SMYD3: variants seen among roughly 807,000 people sequenced by gnomAD.
SMYD3 encodes the protein histone-lysine N-methyltransferase SMYD3.
In SMYD3, 36 loss-of-function variants were observed where a neutral mutation model predicts 57.7. The ratio of observed to expected loss-of-function variants is 0.62; its 90% CI spans 0.48 to 0.82. SMYD3 has a LOEUF of 0.82. Ranked by LOEUF, SMYD3 falls within the 40% of genes least tolerant of loss-of-function variation. SMYD3 has a pLI of 0.00. For synonymous variants in SMYD3, 211 were observed against 195.0 expected, an observed-to-expected ratio of 1.08 and a Z score of -0.68; for missense variants, 515 against 538.8, an observed-to-expected ratio of 0.96 and a Z score of 0.44.
chr1:246,170,209 T>C (rs1356174095), intron 5 of SMYD3, among the ~76,000 whole-genome samples: 1 of 152,050 alleles, frequency 6.6e-6, no homozygotes, highest in African/African-American at 2.4e-5. Flanking sequence ...AAATGAAGAA[T>C]TTAACACAAT....
At chr1:246,208,502 G>A (rs1238193152) in intron 5 of SMYD3, among the ~76,000 whole-genome samples, 1 of 152,060 alleles carries the variant, frequency 6.6e-6, no homozygotes, top group Non-Finnish European at 1.5e-5. Context: ...CAACTTATTT[G>A]AAAGGTTCAG....
intron 5 of SMYD3, among the ~76,000 whole-genome samples, chr1:246,086,760 G>A (rs188371097): frequency 1.4e-3 from 210 of 151,368 alleles, no homozygotes; most frequent in Non-Finnish European, 2.3e-3. Context: ...ATACATGTGC[G>A]GGACCTGCAG....
At chr1:246,044,156 A>G (rs191544271) in intron 5 of SMYD3, among the ~76,000 whole-genome samples, 1 of 152,306 alleles carries the variant, frequency 6.6e-6, no homozygotes, top group Admixed American at 6.5e-5. Flanking sequence ...ACGAATAAAG[A>G]CCAACTTGAA....
intron 10 of SMYD3, among the ~76,000 whole-genome samples, chr1:245,780,421 A>G (rs1393896202): frequency 6.6e-6 from 1 of 152,232 alleles, no homozygotes; most frequent in Non-Finnish European, 1.5e-5. Flanking sequence ...AGCCAGACAC[A>G]CAAGGCCACA....
intron 2 of SMYD3, among the ~76,000 whole-genome samples, chr1:246,345,536 A>G (rs2065700376): frequency 6.6e-6 from 1 of 152,238 alleles, no homozygotes; most frequent in Non-Finnish European, 1.5e-5. Context: ...TCCAAAATCC[A>G]AAATACTCCA....
At chr1:245,863,492 T>G (rs1249323733) in intron 9 of SMYD3, among the ~76,000 whole-genome samples, 1 of 152,190 alleles carries the variant, frequency 6.6e-6, no homozygotes, top group Non-Finnish European at 1.5e-5. Context: ...AGAAGAAAAT[T>G]GAGGAATTTG....
At chr1:245,856,388 G>A (rs898054842) in intron 10 of SMYD3, among the ~76,000 whole-genome samples, 1 of 152,198 alleles carries the variant, frequency 6.6e-6, no homozygotes, top group Admixed American at 6.5e-5. Flanking sequence ...CCAGGGAAGA[G>A]AAACCAAGGG....
chr1:245,778,965 GC>G (rs1381833210), intron 10 of SMYD3, among the ~76,000 whole-genome samples: 2 of 152,062 alleles, frequency 1.3e-5, no homozygotes, highest in African/African-American at 4.8e-5. Flanking sequence ...TTCGAGACCA[GC>G]CTGGCCAACA....
chr1:246,329,706 T>A (rs2065427373), intron 4 of SMYD3, among the ~76,000 whole-genome samples: 1 of 152,174 alleles, frequency 6.6e-6, no homozygotes, highest in Non-Finnish European at 1.5e-5. Flanking sequence ...TCAGATCCCA[T>A]TTGTCAATTT....
At chr1:246,171,377 A>G (rs1310087872) in intron 5 of SMYD3, among the ~76,000 whole-genome samples, 1 of 152,132 alleles carries the variant, frequency 6.6e-6, no homozygotes, top group Non-Finnish European at 1.5e-5. Flanking sequence ...ATAACATTTT[A>G]GATCATTCTT....
At chr1:245,986,959 A>T (rs1272474372) in intron 5 of SMYD3, among the ~76,000 whole-genome samples, 2 of 152,244 alleles carry the variant, frequency 1.3e-5, no homozygotes, top group African/African-American at 4.8e-5. Flanking sequence ...GTAAATGTCA[A>T]TGTACATGTT....
intron 5 of SMYD3, chr1:246,186,899 G>A: frequency 1.0e-6 from 1 of 985,442 alleles, no homozygotes; most frequent in Admixed American, 6.1e-5. Flanking sequence ...AAGCCCCTTA[G>A]AGTCATTATG....
At chr1:246,115,240 G>T (rs780284572) in intron 5 of SMYD3, among the ~76,000 whole-genome samples, 2 of 152,200 alleles carry the variant, frequency 1.3e-5, no homozygotes, top group African/African-American at 4.8e-5. Flanking sequence ...AGGACCAGCT[G>T]AAAGAGTTAG....
At chr1:245,827,545 T>C (rs1466679264) in intron 10 of SMYD3, among the ~76,000 whole-genome samples, 1 of 152,106 alleles carries the variant, frequency 6.6e-6, no homozygotes, top group Admixed American at 6.6e-5. Flanking sequence ...CCACACGCAC[T>C]CCCGGTATTT....
chr1:245,760,974 C>T (rs574817870), intron 11 of SMYD3, among the ~76,000 whole-genome samples: 1 of 152,344 alleles, frequency 6.6e-6, no homozygotes, highest in Non-Finnish European at 1.5e-5. Flanking sequence ...CTTCCTTTTA[C>T]AAATGAAATT....
intron 5 of SMYD3, among the ~76,000 whole-genome samples, chr1:246,045,325 C>T (rs1168176598): frequency 2.0e-5 from 3 of 152,126 alleles, no homozygotes; most frequent in Non-Finnish European, 4.4e-5. Flanking sequence ...AGAAATAATG[C>T]TGCATATCTA....
chr1:246,403,221 G>A (rs895935677), intron 1 of SMYD3, among the ~76,000 whole-genome samples: 6 of 152,136 alleles, frequency 3.9e-5, no homozygotes, highest in Admixed American at 2.0e-4. Flanking sequence ...TTGGCCAGGT[G>A]CAGTGGTTCA....
At chr1:245,769,947 A>G (rs2046269853) in intron 10 of SMYD3, among the ~76,000 whole-genome samples, 1 of 152,128 alleles carries the variant, frequency 6.6e-6, no homozygotes. Context: ...CTGGCCCTGC[A>G]TATCCACATG....
chr1:246,489,438 A>G (rs2068235819), intron 1 of SMYD3, among the ~76,000 whole-genome samples: 1 of 152,150 alleles, frequency 6.6e-6, no homozygotes, highest in Non-Finnish European at 1.5e-5. Flanking sequence ...TTTACTCCTC[A>G]TGAAGATCAC....
Sources: allele counts gnomAD v4.1 joint callset (sites outside exome capture counted in the v4.1 genomes callset), GRCh38; gene constraint gnomAD v4.1.1; transcripts MANE v1.5; gene names NCBI Gene and HGNC (gene_info 2026-07-23, HGNC 2026-07-21).